ST7: variants seen among roughly 807,000 people sequenced by gnomAD.
ST7 encodes the protein suppressor of tumorigenicity 7 protein.
ST7 carries 28 observed loss-of-function variants against 78.7 expected under a neutral mutation model. The observed-to-expected ratio is 0.36, with a 90% CI of 0.26 to 0.49. The LOEUF is 0.49. ST7 is among the 20% of genes least tolerant of loss of function. The probability of loss-of-function intolerance (pLI) is 0.99; values close to 1 mark genes in which losing one functional copy is unlikely to be tolerated. For missense variants in ST7, 418 were observed against 696.0 expected, an observed-to-expected ratio of 0.60 and a Z score of 4.49; for synonymous variants, 247 against 249.6, an observed-to-expected ratio of 0.99 and a Z score of 0.10.
intron 7 of ST7, among the ~76,000 whole-genome samples, chr7:117,134,941 C>A (rs575866035): frequency 1.3e-5 from 2 of 152,028 alleles, no homozygotes; most frequent in Admixed American, 6.6e-5. Context: ...TAACTAGTAG[C>A]CCCAGCCCTT....
intron 1 of ST7, among the ~76,000 whole-genome samples, chr7:117,050,807 G>A (rs748234413): frequency 1.3e-5 from 2 of 152,046 alleles, no homozygotes; most frequent in Non-Finnish European, 2.9e-5. Context: ...GCGCACGCCT[G>A]TAGTCCCAGC....
Position 117,207,196 on chromosome 7 carries a change from G to A in ST7, c.1255-2591G>A, listed in dbSNP as rs184022258. On this transcript the variant is annotated intron_variant, in intron 12 of 15. Transcript: ENST00000323984. ...GTCTTGCTGTGTTGCCCAGGCTGGA[G>A]TGCAGTGGCGCTATCTTGGCTCACT... 5.2e-3 allele frequency among the ~76,000 whole-genome samples: 780 copies of A among 151,090 alleles called. 25 individuals are homozygous for A. The highest frequency in any genetic ancestry group is 0.048 in the Admixed American group (729 of 15,178).
chr7:116,961,950 G>A (rs1792857277), intron 1 of ST7, among the ~76,000 whole-genome samples: 2 of 149,130 alleles, frequency 1.3e-5, no homozygotes, highest in African/African-American at 4.9e-5. Context: ...CCCACCCCCT[G>A]ACTGGCCCTG....
chr7:117,069,138 AT>A (rs930889610), intron 1 of ST7, among the ~76,000 whole-genome samples: 5 of 152,244 alleles, frequency 3.3e-5, no homozygotes, highest in Non-Finnish European at 5.9e-5. Context: ...ATCACTATAT[AT>A]TTTGTATTTG....
At chr7:117,099,046 C>CAAAA (rs754881472) in intron 1 of ST7, among the ~76,000 whole-genome samples, 1,566 of 30,578 alleles carry the variant, frequency 0.051, 239 homozygotes, top group East Asian at 0.08. Flanking sequence ...CTCACTTTCG[C>CAAAA]AAAAAAAAAA....
intron 1 of ST7, among the ~76,000 whole-genome samples, chr7:117,057,278 C>A (rs1367855433): frequency 6.6e-6 from 1 of 152,134 alleles, no homozygotes; most frequent in Non-Finnish European, 1.5e-5. Flanking sequence ...AAGTGACTTT[C>A]TTTTGCCAGC....
chr7:117,038,409 T>C (rs1237180229), intron 1 of ST7, among the ~76,000 whole-genome samples: 1 of 152,194 alleles, frequency 6.6e-6, no homozygotes, highest in Admixed American at 6.5e-5. Flanking sequence ...CAGAGTTCAT[T>C]TTCATTGTGG....
chr7:117,030,869 A>G (rs937291251), intron 1 of ST7, among the ~76,000 whole-genome samples: 1 of 152,332 alleles, frequency 6.6e-6, no homozygotes, highest in East Asian at 1.9e-4. Context: ...TAATTCTACC[A>G]TAAAGACACA....
Position 117,219,290 on chromosome 7 carries a change from C to T in ST7, c.1498+114C>T, listed in dbSNP as rs868743337. The T allele has an allele frequency of 1.2e-4, 106 of 865,474 alleles. No individual in the cohort carries two copies. The highest frequency in any genetic ancestry group is 1.7e-5 in the African/African-American group (1 of 58,560). The allele number at this position is 865,474 out of a possible 1,614,324, so 53.6% of individuals were successfully genotyped here. A position where few individuals can be genotyped will look rare whatever the true frequency, so the allele number is the denominator to read the frequency against. ...TTGTCTTTTATTACTTTTCTCCAAACCCCTGTCCTTGTTTGATAGCATATG... is the reference window on the plus strand; with the variant it reads ...TTGTCTTTTATTACTTTTCTCCAAATCCCTGTCCTTGTTTGATAGCATATG... On this transcript the variant is annotated intron_variant, in intron 14 of 15. Transcript: ENST00000323984. The surrounding 1 kb of genome is among the most constrained non-coding windows in gnomAD (Gnocchi z 5.1).
At chr7:116,986,720 A>G (rs1345708633) in intron 1 of ST7, among the ~76,000 whole-genome samples, 2 of 152,218 alleles carry the variant, frequency 1.3e-5, no homozygotes, top group Non-Finnish European at 2.9e-5. Flanking sequence ...TCAAATATTC[A>G]AATTGAGATA....
intron 10 of ST7, among the ~76,000 whole-genome samples, chr7:117,186,940 T>C (rs1809317746): frequency 6.6e-6 from 1 of 152,238 alleles, no homozygotes; most frequent in African/African-American, 2.4e-5. Context: ...GTGGAATTGC[T>C]GGGTAGTCAA....
intron 1 of ST7, among the ~76,000 whole-genome samples, chr7:117,094,375 A>T (rs933049253): frequency 6.6e-6 from 1 of 152,168 alleles, no homozygotes; most frequent in Non-Finnish European, 1.5e-5. Context: ...TATTCAGCCT[A>T]CAAGTCTCAG....
In ST7 at chr7:117,161,103, T is replaced by G. The variant is rs919842600; in HGVS notation, c.964-9759T>G. 3.6e-5 allele frequency among the ~76,000 whole-genome samples: 5 copies of G among 137,410 alleles called. No individual in the cohort carries two copies. In the South Asian group the frequency reaches 6.2e-4, roughly 17 times the overall value. The allele number at this position is 137,410 out of a possible 152,430, so 90.1% of individuals were successfully genotyped here. A position where few individuals can be genotyped will look rare whatever the true frequency, so the allele number is the denominator to read the frequency against. On this transcript the variant is annotated intron_variant, in intron 9 of 15. Coordinates refer to ENST00000323984, the MANE Select transcript of ST7 (RefSeq NM_001369598.1). ...TTGTTCAATCAAGGACACTGTTGTTTTTTTTTTTTTAAATGCCAACACCAC... is the reference window on the plus strand; with the variant it reads ...TTGTTCAATCAAGGACACTGTTGTTGTTTTTTTTTTAAATGCCAACACCAC...
chr7:117,180,750 A>G (rs1283681527), intron 10 of ST7, among the ~76,000 whole-genome samples: 1 of 152,122 alleles, frequency 6.6e-6, no homozygotes, highest in Non-Finnish European at 1.5e-5. Flanking sequence ...CCCATGCTCA[A>G]GTGATCCTCC....
At chr7:117,192,207 GA>G (rs1235864499) in intron 12 of ST7, among the ~76,000 whole-genome samples, 6 of 152,224 alleles carry the variant, frequency 3.9e-5, no homozygotes, top group Non-Finnish European at 7.4e-5. Context: ...AACTAATCAT[GA>G]AAAAATTATC....
chr7:117,225,823 C>T (rs1287997583), intron 15 of ST7, among the ~76,000 whole-genome samples: 1 of 152,210 alleles, frequency 6.6e-6, no homozygotes, highest in Admixed American at 6.5e-5. Flanking sequence ...AGGAAGCCCA[C>T]AGGGAAGCGT....
At chr7:117,120,469 G>A (rs1387566282) in intron 3 of ST7, among the ~76,000 whole-genome samples, 1 of 152,186 alleles carries the variant, frequency 6.6e-6, no homozygotes, top group Non-Finnish European at 1.5e-5. Context: ...CCTTAGCACA[G>A]CATGAGCTGC....
intron 1 of ST7, among the ~76,000 whole-genome samples, chr7:116,981,316 C>T (rs1164240941): frequency 6.6e-6 from 1 of 152,038 alleles, no homozygotes; most frequent in African/African-American, 2.4e-5. Flanking sequence ...CACTATTTTG[C>T]CCAGGCTGGT....
At chr7:117,203,814 T>C (rs1811088870) in intron 12 of ST7, among the ~76,000 whole-genome samples, 1 of 152,136 alleles carries the variant, frequency 6.6e-6, no homozygotes, top group Non-Finnish European at 1.5e-5. Flanking sequence ...GCCCCTGAGG[T>C]AAATTATGGT....
Sources: gnomAD v4.1 joint callset for allele counts (sites outside exome capture counted in the v4.1 genomes callset) on GRCh38, gnomAD v4.1.1 for gene constraint, Gnocchi (gnomAD v3.1) non-coding constraint, MANE v1.5 for transcripts, NCBI Gene and HGNC (gene_info 2026-07-23, HGNC 2026-07-21) for gene names.